The following MINDY3 variants were observed in gnomAD, a reference collection of about 807,000 sequenced individuals.
MINDY3 encodes MINDY lysine 48 deubiquitinase 3.
MINDY3 carries 38 observed loss-of-function variants against 69.2 expected under a neutral mutation model. That is an observed-to-expected ratio of 0.55 (90% confidence interval 0.42 to 0.72). The LOEUF (loss-of-function observed/expected upper bound fraction) is 0.72. Ranked by LOEUF, MINDY3 falls within the 30% of genes least tolerant of loss-of-function variation. The pLI is 0.00. For synonymous variants in MINDY3, 192 were observed against 180.1 expected (o/e 1.07, Z -0.53); for missense variants, 522 against 519.0 (o/e 1.01, Z -0.06).
At chr10:15,827,858 A>G (rs1397884803) in intron 8 of MINDY3, among the ~76,000 whole-genome samples, 1 of 152,228 alleles carries the variant, frequency 6.6e-6, no homozygotes, top group East Asian at 1.9e-4. Flanking sequence ...ACAGCCTATC[A>G]CTTGTCAACA....
intron 7 of MINDY3, 51 bp from the exon 8 acceptor site, chr10:15,833,760 A>T (rs1244524455): frequency 8.8e-7 from 1 of 1,142,806 alleles, no homozygotes; most frequent in Non-Finnish European, 1.3e-6. Flanking sequence ...TTGCCAAATC[A>T]AATAATTCCT....
At chr10:15,793,867 C>A (rs1837607284) in intron 11 of MINDY3, among the ~76,000 whole-genome samples, 1 of 152,058 alleles carries the variant, frequency 6.6e-6, no homozygotes, top group Admixed American at 6.6e-5. Context: ...TTAGATAGAT[C>A]CCCAATTTCA....
chr10:15,814,565 T>A (rs558245347), intron 10 of MINDY3, among the ~76,000 whole-genome samples: 1 of 151,982 alleles, frequency 6.6e-6, no homozygotes, highest in East Asian at 1.9e-4. Flanking sequence ...TACACCCACA[T>A]GGCAGGAGTT....
At chr10:15,811,107 G>A (rs958619028) in intron 10 of MINDY3, among the ~76,000 whole-genome samples, 10 of 151,938 alleles carry the variant, frequency 6.6e-5, no homozygotes, top group Admixed American at 2.0e-4. Context: ...AAATGAACAC[G>A]GGCCACAAGC....
At chr10:15,794,744 C>A (rs894541020) in intron 11 of MINDY3, among the ~76,000 whole-genome samples, 8 of 152,054 alleles carry the variant, frequency 5.3e-5, no homozygotes, top group Non-Finnish European at 1.2e-4. Flanking sequence ...TACAAGCCTG[C>A]TACCTCATTA....
At position 15,856,313 on chromosome 10, in the gene MINDY3, A is replaced by G. The variant is rs187943878; in HGVS notation, c.94+3893T>C. On this transcript the variant is annotated intron_variant, in intron 1 of 14. Transcript: ENST00000277632. ...TCAATTTTCCTAAGTTATTTGTTAA[A>G]TATCTTTTTTTCATATTACGTAACA... Among the ~76,000 whole-genome samples, 46 of 152,010 alleles carry G rather than the reference A, an allele frequency of 3.0e-4. No individual in the cohort carries two copies. In the East Asian group the frequency reaches 5.6e-3, roughly 18 times the overall value.
intron 4 of MINDY3, among the ~76,000 whole-genome samples, chr10:15,839,155 A>G (rs1395100632): frequency 2.6e-5 from 4 of 151,892 alleles, no homozygotes; most frequent in Admixed American, 2.6e-4. Context: ...GTGAGTTAAG[A>G]AAATTGATTC....
At chr10:15,789,857 C>G (rs181435206) in intron 11 of MINDY3, among the ~76,000 whole-genome samples, 87 of 152,058 alleles carry the variant, frequency 5.7e-4, no homozygotes, top group African/African-American at 2.0e-3. Context: ...AAAAAAACAG[C>G]CCTGAAATGA....
intron 10 of MINDY3, among the ~76,000 whole-genome samples, chr10:15,814,715 A>T (rs1437768310): frequency 6.6e-6 from 1 of 152,148 alleles, no homozygotes; most frequent in Non-Finnish European, 1.5e-5. Context: ...CGCAGAAAAC[A>T]GTATGGGAAT....
intron 8 of MINDY3, among the ~76,000 whole-genome samples, chr10:15,830,290 CAT>C (rs1840368005): frequency 6.6e-6 from 1 of 152,184 alleles, no homozygotes; most frequent in Non-Finnish European, 1.5e-5. Flanking sequence ...CAGTGGCAAA[CAT>C]GTATTGAACA....
intron 9 of MINDY3, among the ~76,000 whole-genome samples, chr10:15,820,514 G>A (rs944273241): frequency 1.3e-5 from 2 of 152,222 alleles, no homozygotes; most frequent in African/African-American, 4.8e-5. Flanking sequence ...ATATGTGTTA[G>A]GGGGAAGGGG....
At chr10:15,796,795 A>C (rs1208525034) in intron 10 of MINDY3, among the ~76,000 whole-genome samples, 1 of 152,046 alleles carries the variant, frequency 6.6e-6, no homozygotes, top group Non-Finnish European at 1.5e-5. Flanking sequence ...CTAATTTATC[A>C]CAGAAAACAT....
intron 1 of MINDY3, among the ~76,000 whole-genome samples, chr10:15,857,214 T>C (rs1223175617): frequency 6.6e-6 from 1 of 152,020 alleles, no homozygotes; most frequent in African/African-American, 2.4e-5. Flanking sequence ...GTGTATTTTC[T>C]GTGAAGTTTT....
At chr10:15,830,840 T>C (rs544519976) in intron 8 of MINDY3, among the ~76,000 whole-genome samples, 17 of 152,214 alleles carry the variant, frequency 1.1e-4, no homozygotes, top group African/African-American at 4.1e-4. Flanking sequence ...GCAAGGAAAT[T>C]CTGCTGGTGA....
At chr10:15,853,564 A>G (rs1834460786) in intron 1 of MINDY3, among the ~76,000 whole-genome samples, 1 of 152,068 alleles carries the variant, frequency 6.6e-6, no homozygotes, top group South Asian at 2.1e-4. Flanking sequence ...CAAAATTACT[A>G]ATTTTATTGT....
chr10:15,823,905 CTT>C (rs1478790129), intron 8 of MINDY3, among the ~76,000 whole-genome samples: 3 of 152,218 alleles, frequency 2.0e-5, no homozygotes, highest in African/African-American at 7.2e-5. Flanking sequence ...GTGATTTTGT[CTT>C]TTTCTTCCTG....
intron 10 of MINDY3, among the ~76,000 whole-genome samples, chr10:15,804,288 A>T (rs1368227597): frequency 6.6e-6 from 1 of 152,054 alleles, no homozygotes; most frequent in Non-Finnish European, 1.5e-5. Flanking sequence ...AATAGCCTAC[A>T]ATCATGAAAC....
chr10:15,804,463 G>C (rs527261637), intron 10 of MINDY3, among the ~76,000 whole-genome samples: 13 of 152,234 alleles, frequency 8.5e-5, no homozygotes, highest in African/African-American at 2.9e-4. Flanking sequence ...TTACTGAAAA[G>C]GTCTTTAAAG....
At chr10:15,835,980 A>G (rs758662296) in intron 6 of MINDY3, among the ~76,000 whole-genome samples, 1 of 152,076 alleles carries the variant, frequency 6.6e-6, no homozygotes. Context: ...TCTTTTATCA[A>G]CAAAAAGATC....
Sources: allele counts gnomAD v4.1 joint callset (sites outside exome capture counted in the v4.1 genomes callset), GRCh38; gene constraint gnomAD v4.1.1; transcripts MANE v1.5; gene names NCBI Gene and HGNC (gene_info 2026-07-23, HGNC 2026-07-21).